DICER1: variants seen among roughly 807,000 people sequenced by gnomAD.
DICER1 encodes dicer 1, ribonuclease III.
DICER1 carries 43 observed loss-of-function variants against 194.1 expected under a neutral mutation model. The ratio of observed to expected loss-of-function variants is 0.22; its 90% CI spans 0.17 to 0.29. The LOEUF (loss-of-function observed/expected upper bound fraction) is 0.29, where lower values mean the gene tolerates loss of function less well. DICER1 is among the 10% of genes least tolerant of loss of function. The pLI is 1.00. For missense variants in DICER1, 1,608 were observed against 2,317.0 expected, an observed-to-expected ratio of 0.69 and a Z score of 6.28; for synonymous variants, 832 against 820.5, an observed-to-expected ratio of 1.01 and a Z score of -0.24.
intron 24 of DICER1, 59 bp from the exon 25 acceptor site, chr14:95,091,424 A>T (rs918609873): frequency 2.1e-5 from 32 of 1,505,686 alleles, no homozygotes; most frequent in Non-Finnish European, 2.8e-5. Context: ...GGCAGTCCAC[A>T]GATGTAGTTT....
At chr14:95,151,612 T>G (rs1228195182) in intron 1 of DICER1, among the ~76,000 whole-genome samples, 1 of 152,208 alleles carries the variant, frequency 6.6e-6, no homozygotes, top group Non-Finnish European at 1.5e-5. Flanking sequence ...AGTCGAAGAA[T>G]CAGGATTTGA....
At chr14:95,116,076 C>T (rs1892435170) in intron 10 of DICER1, among the ~76,000 whole-genome samples, 1 of 151,926 alleles carries the variant, frequency 6.6e-6, no homozygotes. Context: ...CACACACACA[C>T]ACACACACAC....
In DICER1 at chr14:95,103,765, C is replaced by A. The variant is rs764470378; in HGVS notation, c.3631G>T (p.Val1211Leu). The part of the protein sequence containing the change: ...QLNYYKQEIP[V>L]QPTTSYSIQN... The stretch of plus-strand genomic sequence containing the variant: ...ATGGAATATGAGGTAGTTGGTTGCA[C>A]GGGTATTTCCTGCTTGTAGTAATTT... The change falls in exon 21 of 27, where the codon GTG becomes TTG. Residue 1211 changes from valine to leucine, a missense_variant. Val to Leu is a conservative substitution (Grantham distance 32, BLOSUM62 1). Around this residue, in one of 10 missense-constraint regions of DICER1, gnomAD observed 222 missense variants for 215.5 expected, o/e 1.03. Transcript: ENST00000343455. 1.9e-6 allele frequency: 3 copies of A among 1,614,112 alleles called. No homozygotes were observed. The highest frequency in any genetic ancestry group is 2.5e-6 in the Non-Finnish European group (3 of 1,180,014).
chr14:95,153,916 G>C (rs1895677765), intron 1 of DICER1, among the ~76,000 whole-genome samples: 1 of 152,226 alleles, frequency 6.6e-6, no homozygotes, highest in South Asian at 2.1e-4. Flanking sequence ...CAGAAGACTA[G>C]TCATTTGGCA....
chr14:95,096,040 G>C lies in DICER1; in HGVS notation c.4880C>G (p.Ala1627Gly). ...LSVSCAAASV[A>G]SSRSSVLKDS... ...TTTCAATACAGAAGAGCGTGAACTG[G>C]CCACAGAAGCAGCAGCACAGCTCAC... is the stretch of plus-strand genomic sequence containing the variant. The change falls in exon 23 of 27, where the codon GCC becomes GGC. Residue 1627 changes from alanine to glycine, a missense_variant. This residue lies in a region of DICER1 where 125 missense variants were observed against 134.9 expected (regional missense o/e 0.93). Coordinates refer to ENST00000343455, the MANE Select transcript of DICER1 (RefSeq NM_177438.3). 1 of 1,614,204 alleles carries C rather than the reference G, an allele frequency of 6.2e-7. No individual in the cohort carries two copies. Among genetic ancestry groups the C allele is most frequent in the Non-Finnish European group, 8.5e-7 (1 of 1,180,034 alleles).
Position 95,103,405 on chromosome 14 carries a change from G to A in DICER1, c.3991C>T (p.Leu1331=). The A allele has an allele frequency of 6.2e-7, 1 of 1,614,222 alleles. No homozygotes were observed. Among genetic ancestry groups the A allele is most frequent in the Non-Finnish European group, 8.5e-7 (1 of 1,180,036 alleles). ...SFLKHAITTY[L]FCTYPDAHEG... ...TGCGCATCAGGGTAAGTGCAAAATA[G>A]ATATGTGGTGATGGCATGCTTTAAA... Residue 1331 remains leucine, a synonymous_variant, in exon 21 of 27, where the codon CTA becomes TTA. Transcript: ENST00000343455.
intron 1 of DICER1, among the ~76,000 whole-genome samples, chr14:95,140,477 C>G (rs532066396): frequency 1.3e-5 from 2 of 152,082 alleles, no homozygotes; most frequent in African/African-American, 4.8e-5. Context: ...ATAGGCTATA[C>G]CATGTAGGTT....
intron 1 of DICER1, among the ~76,000 whole-genome samples, chr14:95,155,086 C>T (rs1895757079): frequency 6.6e-6 from 1 of 152,190 alleles, no homozygotes; most frequent in African/African-American, 2.4e-5. Context: ...TCTGCCACTT[C>T]GAGATTCCTA....
Position 95,096,034 on chromosome 14 carries a change from G to A in DICER1, c.4886C>T (p.Ser1629Leu), listed in dbSNP as rs1167159136. The change falls in exon 23 of 27, where the codon TCA becomes TTA. Residue 1629 changes from serine (S) to leucine (L), a missense_variant. By Grantham distance (145) the Ser-to-Leu change is moderately radical. Coordinates refer to ENST00000343455, the MANE Select transcript of DICER1 (RefSeq NM_177438.3). ...VSCAAASVAS[S>L]RSSVLKDSEY... Reference sequence around the variant, plus strand: ...CGAGTCTTTCAATACAGAAGAGCGTGAACTGGCCACAGAAGCAGCAGCACA... The same window carrying A: ...CGAGTCTTTCAATACAGAAGAGCGTAAACTGGCCACAGAAGCAGCAGCACA... 11 of 1,614,152 alleles carry A rather than the reference G, an allele frequency of 6.8e-6. No homozygotes were observed. Among genetic ancestry groups the A allele is most frequent in the African/African-American group, 1.3e-5 (1 of 75,020 alleles).
rs1401206136 is a variant in DICER1, at chr14:95,086,976, G to A, written c.*3522C>T. 4.3e-6 allele frequency: 1 copy of A among 232,770 alleles called. No individual in the cohort carries two copies. Among genetic ancestry groups the A allele is most frequent in the Admixed American group, 5.6e-5 (1 of 17,758 alleles). The allele number at this position is 232,770 out of a possible 1,614,324, so 14.4% of individuals were successfully genotyped here. A position where few individuals can be genotyped will look rare whatever the true frequency, so the allele number is the denominator to read the frequency against. On this transcript the variant is annotated 3_prime_UTR_variant, in exon 27 of 27. Coordinates refer to ENST00000343455, the MANE Select transcript of DICER1 (RefSeq NM_177438.3). Reference sequence around the variant, plus strand: ...ATAATTTCAGATGCAGTTAAAAAAAGGTATCAAGGTCTCAGTTTGGTGGCT... The same window carrying A: ...ATAATTTCAGATGCAGTTAAAAAAAAGTATCAAGGTCTCAGTTTGGTGGCT...
Position 95,103,510 on chromosome 14 carries a change from G to A in DICER1, c.3886C>T (p.Leu1296Phe). 8.7e-6 allele frequency: 14 copies of A among 1,614,166 alleles called. No individual in the cohort carries two copies. Among genetic ancestry groups the A allele is most frequent in the Non-Finnish European group, 1.2e-5 (14 of 1,180,024 alleles). ...SSRTLGPNPG[L>F]ILQALTLSNA... ...GACAGAGTCAAAGCCTGAAGAATAA[G>A]TCCAGGATTGGGGCCAAGAGTCCTT... is the stretch of plus-strand genomic sequence containing the variant. Residue 1296 changes from leucine to phenylalanine, a missense_variant, in exon 21 of 27, where the codon CTT (leucine) becomes TTT (phenylalanine). Physicochemically the swap from Leu to Phe is conservative, Grantham distance 22. Around this residue, in one of 10 missense-constraint regions of DICER1, gnomAD observed 58 missense variants for 125.7 expected, o/e 0.46. Transcript: ENST00000343455.
In DICER1 at chr14:95,103,941, T is replaced by C; in HGVS notation, c.3455A>G (p.Asn1152Ser). ...SLENHDQMSVNCRTLLSESPG... is the reference protein window; with the variant it reads ...SLENHDQMSVSCRTLLSESPG... ...GGACTCGCTGAGCAACGTTCTGCAG[T>C]TCACAGACATTTGGTCATGATTTTC... The change falls in exon 21 of 27, where the codon AAC (asparagine) becomes AGC (serine). Residue 1152 changes from asparagine (N) to serine (S), a missense_variant. Physicochemically the swap from Asn to Ser is conservative, Grantham distance 46. This residue lies in a region of DICER1 where 222 missense variants were observed against 215.5 expected (regional missense o/e 1.03). Coordinates refer to ENST00000343455, the MANE Select transcript of DICER1 (RefSeq NM_177438.3). 6.2e-7 allele frequency: 1 copy of C among 1,614,206 alleles called. No individual in the cohort carries two copies. The highest frequency in any genetic ancestry group is 1.1e-5 in the South Asian group (1 of 91,080).
intron 1 of DICER1, among the ~76,000 whole-genome samples, chr14:95,151,219 A>G (rs1372111716): frequency 2.0e-5 from 3 of 152,240 alleles, no homozygotes; most frequent in African/African-American, 7.2e-5. Flanking sequence ...TGGTATCACT[A>G]CTACAGAGAC....
chr14:95,152,026 G>A (rs541344679), intron 1 of DICER1, among the ~76,000 whole-genome samples: 6 of 152,208 alleles, frequency 3.9e-5, no homozygotes, highest in East Asian at 3.9e-4. Flanking sequence ...AAGTACAACC[G>A]GTTTGTTTTC....
At chr14:95,113,654 T>C (rs1039142917) in intron 11 of DICER1, among the ~76,000 whole-genome samples, 5 of 152,162 alleles carry the variant, frequency 3.3e-5, no homozygotes, top group African/African-American at 9.7e-5. Flanking sequence ...CCAGCACACA[T>C]ATAAGGAAGG....
chr14:95,108,175 T>C (rs1016368129), intron 15 of DICER1, 82 bp from the exon 16 acceptor site: 1 of 1,313,780 alleles, frequency 7.6e-7, no homozygotes, highest in Admixed American at 1.7e-5. Context: ...ACAGAAATGA[T>C]GCTTTCTAGT....
chr14:95,096,369 A>T lies in DICER1; in HGVS notation c.4551T>A (p.Ala1517=). Residue 1517 remains alanine, a synonymous_variant, in exon 23 of 27, where the codon GCT becomes GCA. Coordinates refer to ENST00000343455, the MANE Select transcript of DICER1 (RefSeq NM_177438.3). ...CCACCACAAAGTCATCTTCTTCAAC[A>T]GCTTTGCTAGGATCCAGATAGCACA... ...DAMCYLDPSK[A]VEEDDFVVGF... The T allele has an allele frequency of 6.2e-7, 1 of 1,614,206 alleles. No homozygotes were observed. The highest frequency in any genetic ancestry group is 8.5e-7 in the Non-Finnish European group (1 of 1,180,028).
At chr14:95,093,729 A>C (rs1890046594) in intron 24 of DICER1, among the ~76,000 whole-genome samples, 159 bp downstream of exon 24, 1 of 152,206 alleles carries the variant, frequency 6.6e-6, no homozygotes, top group Admixed American at 6.5e-5. Context: ...GCCTACCTGC[A>C]AACTGCAGTT....
At chr14:95,108,570 A>G in intron 14 of DICER1, 67 bp from the exon 15 acceptor site, 1 of 1,416,972 alleles carries the variant, frequency 7.1e-7, no homozygotes, top group Non-Finnish European at 1.0e-6. Context: ...GATGTCAGCA[A>G]GAAAACAAAT....
Sources: allele counts gnomAD v4.1 joint callset (sites outside exome capture counted in the v4.1 genomes callset), GRCh38; gene constraint gnomAD v4.1.1; regional missense constraint gnomAD v4.1.1; transcripts MANE v1.5; gene names NCBI Gene and HGNC (gene_info 2026-07-23, HGNC 2026-07-21).